Variants in SPINT2 observed in about 807,000 individuals in gnomAD.
SPINT2 encodes serine peptidase inhibitor, Kunitz type 2.
Under a neutral mutation model 30.1 loss-of-function variants are expected in SPINT2, and 18 were observed. The observed-to-expected ratio is 0.60, with a 90% confidence interval of 0.41 to 0.89. The LOEUF is 0.89. Among genes scored for constraint, SPINT2 ranks in the 40% least tolerant of loss-of-function variants. The probability of loss-of-function intolerance (pLI) is 0.00; values close to 1 mark genes in which losing one functional copy is unlikely to be tolerated. For missense variants in SPINT2, 276 were observed against 334.3 expected (o/e 0.83, Z 1.36); for synonymous variants, 139 against 137.9 (o/e 1.01, Z -0.05).
Position 38,290,067 on chromosome 19 carries a change from C to T in SPINT2, c.392-52C>T, listed in dbSNP as rs1968696925. On this transcript the variant is annotated intron_variant, in intron 4 of 6. Coordinates refer to ENST00000301244, the MANE Select transcript of SPINT2 (RefSeq NM_021102.4). The surrounding 1 kb of genome is among the most constrained non-coding windows in gnomAD (Gnocchi z 4.3). ...CCTCAGGCACTTTCTGGCTTGCTTC[C>T]CCTCCTTGCGGGCCCTACTAATTTG... The T allele has an allele frequency of 1.2e-6, 2 of 1,607,864 alleles. No individual in the cohort carries two copies. Among genetic ancestry groups the T allele is most frequent in the Admixed American group, 1.7e-5 (1 of 60,014 alleles).
At chr19:38,276,510 C>T (rs145855862) in intron 1 of SPINT2, among the ~76,000 whole-genome samples, 15,749 of 151,854 alleles carry the variant, frequency 0.1, 1,110 homozygotes, top group Middle Eastern at 0.19. Context: ...CGTGTGGTGG[C>T]GGGCGCCTGT....
intron 6 of SPINT2, chr19:38,291,138 T>G (rs1968713401): frequency 1.2e-5 from 2 of 172,208 alleles, no homozygotes; most frequent in South Asian, 2.8e-4. Context: ...CAGTGAAGCC[T>G]GGTTTGCCAG....
chr19:38,289,980 G>A lies in SPINT2; in HGVS notation c.392-139G>A, dbSNP rs1004435856. 3 of 943,826 alleles carry A rather than the reference G, an allele frequency of 3.2e-6. No homozygotes were observed. The African/African-American group carries it at 4.8e-5, about 15-fold the overall frequency. The allele number at this position is 943,826 out of a possible 1,614,324, so 58.5% of individuals were successfully genotyped here. A position where few individuals can be genotyped will look rare whatever the true frequency, so the allele number is the denominator to read the frequency against. On this transcript the variant is annotated intron_variant, in intron 4 of 6. Transcript: ENST00000301244. Reference sequence around the variant, plus strand: ...CGTCAGAGCCGCTGCACTGGTCTTGGGTGTAATTTACAGGCTTCTTTACCA... The same window carrying A: ...CGTCAGAGCCGCTGCACTGGTCTTGAGTGTAATTTACAGGCTTCTTTACCA...
At chr19:38,270,011 C>A (rs1968435090) in intron 1 of SPINT2, among the ~76,000 whole-genome samples, 1 of 152,106 alleles carries the variant, frequency 6.6e-6, no homozygotes, top group Non-Finnish European at 1.5e-5. Context: ...CAGGCTCGAG[C>A]CACGTGGCCC....
At chr19:38,279,035 T>G (rs1384009328) in intron 1 of SPINT2, among the ~76,000 whole-genome samples, 1 of 152,016 alleles carries the variant, frequency 6.6e-6, no homozygotes, top group Non-Finnish European at 1.5e-5. Flanking sequence ...TGTGACAAGA[T>G]GAGACGATTT....
chr19:38,267,252 C>T (rs754241843), intron 1 of SPINT2, among the ~76,000 whole-genome samples: 2 of 152,196 alleles, frequency 1.3e-5, no homozygotes, highest in Admixed American at 6.5e-5. Context: ...ACAGCTTAAT[C>T]GGAGGCAGAA....
chr19:38,290,583 G>A lies in SPINT2; in HGVS notation c.592+8G>A. 2 of 1,613,758 alleles carry A rather than the reference G, an allele frequency of 1.2e-6. No individual in the cohort carries two copies. Among genetic ancestry groups the A allele is most frequent in the South Asian group, 2.2e-5 (2 of 91,014 alleles). On this transcript the variant is annotated splice_region_variant and intron_variant, in intron 6 of 6. Coordinates refer to ENST00000301244, the MANE Select transcript of SPINT2 (RefSeq NM_021102.4). The surrounding 1 kb of genome is among the most constrained non-coding windows in gnomAD (Gnocchi z 4.3). ...TGCCCCTTGGCTCAAAGGGTAAGTG[G>A]CCCCTTACCCTCCTCCTGCCATCAG...
In SPINT2 at chr19:38,290,164, TC is replaced by T. The variant is rs1051046726; in HGVS notation, c.440del (p.Pro147HisfsTer60). 2 of 1,612,664 alleles carry T rather than the reference TC, an allele frequency of 1.2e-6. No individual in the cohort carries two copies. Among genetic ancestry groups the T allele is most frequent in the Non-Finnish European group, 1.7e-6 (2 of 1,180,032 alleles). On this transcript the variant is annotated frameshift_variant, in exon 5 of 7. Transcript: ENST00000301244. LOFTEE classifies it high-confidence loss of function. This position sits in a 1 kb window ranked among gnomAD's most constrained non-coding sequence, Gnocchi z 4.3. The part of the protein sequence containing the change: ...NAVTGPCRAS[F>X]PRWYFDVERN... ...GTCACTGGGCCTTGCCGTGCATCCT[TC>T]CCACGCTGGTACTTTGACGTGGAGA...
At chr19:38,270,057 G>C (rs10408769) in intron 1 of SPINT2, among the ~76,000 whole-genome samples, 59,413 of 121,536 alleles carry the variant, frequency 0.49, 15,821 homozygotes, top group African/African-American at 0.67. Flanking sequence ...TTTTCGAAAT[G>C]CATGGACCTC....
chr19:38,292,048 A>C lies in SPINT2; in HGVS notation c.*42A>C, dbSNP rs200503164. 137 of 1,609,436 alleles carry C rather than the reference A, an allele frequency of 8.5e-5. 1 individual carries two copies. The East Asian group carries it at 2.8e-3, about 33-fold the overall frequency. The stretch of plus-strand genomic sequence containing the variant: ...AGGACTGGGGAAGGGAGGGGAGACT[A>C]TGTGTGAGCTTTTTTTAAATAGAGG... On this transcript the variant is annotated 3_prime_UTR_variant, in exon 7 of 7. Transcript: ENST00000301244.
rs1411955514 is a variant in SPINT2 at position 38,282,481 on chromosome 19, G to A, written c.107-1146G>A. 3.9e-5 allele frequency among the ~76,000 whole-genome samples: 6 copies of A among 152,292 alleles called. No individual in the cohort carries two copies. The East Asian group carries it at 9.6e-4, about 24-fold the overall frequency. On this transcript the variant is annotated intron_variant, in intron 1 of 6. Coordinates refer to ENST00000301244, the MANE Select transcript of SPINT2 (RefSeq NM_021102.4). ...AGCCAGGCTGTTTTCTTTTCAGGTC[G>A]CCTTCAATCCTTCCAGTGGAAAGGC...
intron 1 of SPINT2, among the ~76,000 whole-genome samples, chr19:38,271,846 T>C (rs1431098215): frequency 6.6e-6 from 1 of 151,194 alleles, no homozygotes; most frequent in African/African-American, 2.4e-5. Flanking sequence ...AGAATTCACA[T>C]GTTGTTTTAC....
At chr19:38,288,940 C>T in intron 3 of SPINT2, 198 bp from the exon 4 acceptor site, 2 of 587,442 alleles carry the variant, frequency 3.4e-6, no homozygotes, top group Non-Finnish European at 6.1e-6. Context: ...GGCAGGGCCA[C>T]CACATCCAGC....
In SPINT2 at chr19:38,290,704, T is replaced by G. The variant is rs1341658774; in HGVS notation, c.592+129T>G. Reference sequence around the variant, plus strand: ...CATCATCTTGGCAGAAAGTCATGTTTCTGCGTGAGAATGGCGAGGTGGTGG... The same window carrying G: ...CATCATCTTGGCAGAAAGTCATGTTGCTGCGTGAGAATGGCGAGGTGGTGG... On this transcript the variant is annotated intron_variant, in intron 6 of 6. Coordinates refer to ENST00000301244, the MANE Select transcript of SPINT2 (RefSeq NM_021102.4). The surrounding 1 kb of genome is among the most constrained non-coding windows in gnomAD (Gnocchi z 4.3). 4 of 1,289,264 alleles carry G rather than the reference T, an allele frequency of 3.1e-6. No homozygotes were observed. In the African/African-American group the frequency reaches 5.9e-5, roughly 19 times the overall value. The allele number at this position is 1,289,264 out of a possible 1,614,324, so 79.9% of individuals were successfully genotyped here.
At chr19:38,270,856 T>C (rs887760621) in intron 1 of SPINT2, among the ~76,000 whole-genome samples, 2 of 152,214 alleles carry the variant, frequency 1.3e-5, no homozygotes, top group East Asian at 3.8e-4. Context: ...CTGTGGCTCA[T>C]GTGAGGCGGG....
chr19:38,277,236 C>A (rs1416000913), intron 1 of SPINT2, among the ~76,000 whole-genome samples: 1 of 151,960 alleles, frequency 6.6e-6, no homozygotes, highest in Non-Finnish European at 1.5e-5. Context: ...GGTACTATCT[C>A]ATCTGTTTTG....
intron 1 of SPINT2, among the ~76,000 whole-genome samples, chr19:38,280,835 A>C (rs908486384): frequency 9.9e-5 from 15 of 152,272 alleles, no homozygotes; most frequent in African/African-American, 3.6e-4. Context: ...GATGTAATTC[A>C]CATGCCATAT....
At position 38,264,966 on chromosome 19, in the gene SPINT2, T is replaced by C; in HGVS notation, c.74T>C (p.Val25Ala). ...CTGGGATCGCTGCTCCTCTCTGGGG[T>C]CCTGGCGGCCGACCGAGAACGCAGC... is the stretch of plus-strand genomic sequence containing the variant. Reference protein sequence around the residue: ...ALLGSLLLSGVLAADRERSIH... With the variant: ...ALLGSLLLSGALAADRERSIH... Residue 25 changes from valine (V) to alanine (A), a missense_variant, in exon 1 of 7, where the codon GTC (valine) becomes GCC (alanine). Physicochemically the swap from Val to Ala is moderately conservative, Grantham distance 64 (BLOSUM62 0). Transcript: ENST00000301244. 1 of 1,531,964 alleles carries C rather than the reference T, an allele frequency of 6.5e-7. No homozygotes were observed. The highest frequency in any genetic ancestry group is 8.7e-7 in the Non-Finnish European group (1 of 1,143,894). 94.9% of individuals were successfully genotyped at this position (1,531,964 alleles called of 1,614,324 possible).
chr19:38,272,301 T>C (rs1044323429), intron 1 of SPINT2, among the ~76,000 whole-genome samples: 16 of 152,174 alleles, frequency 1.1e-4, no homozygotes, highest in Non-Finnish European at 1.9e-4. Context: ...AAAAAGATAC[T>C]ATAATAGTTT....
Sources: allele counts gnomAD v4.1 joint callset (sites outside exome capture counted in the v4.1 genomes callset), GRCh38; gene constraint gnomAD v4.1.1; non-coding constraint Gnocchi (gnomAD v3.1); transcripts MANE v1.5; gene names NCBI Gene and HGNC (gene_info 2026-07-23, HGNC 2026-07-21).